Variants in LSAMP observed in about 807,000 individuals in gnomAD.
LSAMP encodes limbic system associated membrane protein.
In LSAMP, 7 loss-of-function variants were observed where a neutral mutation model predicts 38.6. The observed-to-expected ratio is 0.18, with a 90% CI of 0.10 to 0.34. The LOEUF (loss-of-function observed/expected upper bound fraction) is 0.34. Ranked by LOEUF, LSAMP falls within the 10% of genes least tolerant of loss-of-function variation. The pLI, the probability that LSAMP is intolerant of heterozygous loss-of-function variation, is 1.00. For missense variants in LSAMP, 313 were observed against 420.0 expected (o/e 0.75, Z 2.23); for synonymous variants, 154 against 166.8 (o/e 0.92, Z 0.59).
At chr3:115,962,099 C>T (rs1938645750) in intron 3 of LSAMP, among the ~76,000 whole-genome samples, 1 of 152,188 alleles carries the variant, frequency 6.6e-6, no homozygotes, top group African/African-American at 2.4e-5. Context: ...ATCACATAAA[C>T]AGTAAAGAGA....
chr3:115,977,806 C>T (rs1039859603), intron 3 of LSAMP, among the ~76,000 whole-genome samples: 3 of 150,620 alleles, frequency 2.0e-5, no homozygotes, highest in South Asian at 2.1e-4. Flanking sequence ...TATGAATAGT[C>T]GACTAAAGCA....
intron 1 of LSAMP, among the ~76,000 whole-genome samples, chr3:116,213,043 T>C (rs773347810): frequency 5.9e-5 from 9 of 152,228 alleles, no homozygotes; most frequent in Non-Finnish European, 8.8e-5. Context: ...TCAAAGATCC[T>C]GAAGCTTCAC....
intron 6 of LSAMP, chr3:115,816,703 G>T: frequency 9.5e-7 from 1 of 1,050,250 alleles, no homozygotes; most frequent in Non-Finnish European, 1.3e-6. Context: ...TATCAATTAA[G>T]AAGAAACACA....
intron 1 of LSAMP, among the ~76,000 whole-genome samples, chr3:116,339,438 A>T (rs2047964267): frequency 6.6e-6 from 1 of 151,926 alleles, no homozygotes; most frequent in Non-Finnish European, 1.5e-5. Context: ...AATCAGCAGC[A>T]CTGAATGACC....
At chr3:116,158,615 T>C (rs1709812768) in intron 1 of LSAMP, among the ~76,000 whole-genome samples, 1 of 151,924 alleles carries the variant, frequency 6.6e-6, no homozygotes, top group Non-Finnish European at 1.5e-5. Context: ...ACAAAAAGAA[T>C]AAAATATCTA....
At chr3:116,057,967 A>ACACACACACACACACCCC (rs1341257552) in intron 2 of LSAMP, among the ~76,000 whole-genome samples, 2 of 147,542 alleles carry the variant, frequency 1.4e-5, no homozygotes, top group Non-Finnish European at 3.0e-5. Context: ...CCACACACAC[A>ACACACACACACACACCCC]CACACACACA....
chr3:116,055,106 T>C (rs984467189), intron 2 of LSAMP, among the ~76,000 whole-genome samples: 4 of 152,180 alleles, frequency 2.6e-5, no homozygotes, highest in Non-Finnish European at 2.9e-5. Flanking sequence ...CAAATACACA[T>C]TATCACACCT....
chr3:116,079,995 C>T (rs1033669402), intron 2 of LSAMP, among the ~76,000 whole-genome samples: 1 of 152,000 alleles, frequency 6.6e-6, no homozygotes, highest in African/African-American at 2.4e-5. Context: ...GGTAGATATC[C>T]TTATTTTAAT....
At chr3:116,267,733 T>C (rs973728486) in intron 1 of LSAMP, among the ~76,000 whole-genome samples, 3 of 152,068 alleles carry the variant, frequency 2.0e-5, no homozygotes, top group Non-Finnish European at 2.9e-5. Context: ...TGAAAGGTAC[T>C]CTCCGCCTGC....
At chr3:115,947,552 G>C (rs150835446) in intron 3 of LSAMP, among the ~76,000 whole-genome samples, 1 of 152,088 alleles carries the variant, frequency 6.6e-6, no homozygotes, top group Non-Finnish European at 1.5e-5. Flanking sequence ...GAGGCATTTG[G>C]GTTTCTGGTA....
chr3:116,196,879 C>T (rs979879085), intron 1 of LSAMP, among the ~76,000 whole-genome samples: 1 of 152,174 alleles, frequency 6.6e-6, no homozygotes. Flanking sequence ...GCTCCCACTC[C>T]TTTATGCCTG....
At chr3:115,912,858 A>T (rs1008443394) in intron 3 of LSAMP, among the ~76,000 whole-genome samples, 1 of 152,190 alleles carries the variant, frequency 6.6e-6, no homozygotes, top group Admixed American at 6.5e-5. Flanking sequence ...TATACGAGAC[A>T]AAAAGAACAC....
At chr3:116,085,885 G>A (rs557407961) in intron 2 of LSAMP, among the ~76,000 whole-genome samples, 186 of 152,260 alleles carry the variant, frequency 1.2e-3, no homozygotes, top group African/African-American at 4.3e-3. Flanking sequence ...GAAGAACTTT[G>A]CTATCACAAA....
chr3:115,923,642 A>T (rs2107527108), intron 3 of LSAMP, among the ~76,000 whole-genome samples: 1 of 152,332 alleles, frequency 6.6e-6, no homozygotes, highest in Non-Finnish European at 1.5e-5. Flanking sequence ...TACTATTATC[A>T]CAATCATCTT....
chr3:115,839,532 GAAAT>G (rs1433069937), intron 6 of LSAMP, among the ~76,000 whole-genome samples: 1 of 152,112 alleles, frequency 6.6e-6, no homozygotes, highest in Non-Finnish European at 1.5e-5. Flanking sequence ...TTGGATCTAA[GAAAT>G]AGTGCAATAG....
At chr3:115,817,152 T>G (rs1934057052) in intron 6 of LSAMP, among the ~76,000 whole-genome samples, 1 of 152,226 alleles carries the variant, frequency 6.6e-6, no homozygotes, top group Non-Finnish European at 1.5e-5. Context: ...ATTGATCACT[T>G]AGTCACTTCA....
chr3:116,330,366 G>A (rs996435078), intron 1 of LSAMP, among the ~76,000 whole-genome samples: 3 of 152,012 alleles, frequency 2.0e-5, no homozygotes, highest in African/African-American at 7.2e-5. Context: ...ATAAGGGTGA[G>A]CAAAAAAGAC....
chr3:115,940,412 G>T (rs1937878093), intron 3 of LSAMP, among the ~76,000 whole-genome samples: 1 of 152,058 alleles, frequency 6.6e-6, no homozygotes, highest in African/African-American at 2.4e-5. Flanking sequence ...AGTGCTAATT[G>T]GTGCATTTAC....
At chr3:116,270,188 T>TGTCA (rs2046953150) in intron 1 of LSAMP, among the ~76,000 whole-genome samples, 2 of 152,160 alleles carry the variant, frequency 1.3e-5, no homozygotes, top group Admixed American at 6.6e-5. Flanking sequence ...CTAATAAGTA[T>TGTCA]GTCATTGGTC....
Sources: gnomAD v4.1 joint callset for allele counts (sites outside exome capture counted in the v4.1 genomes callset) on GRCh38, gnomAD v4.1.1 for gene constraint, MANE v1.5 for transcripts, NCBI Gene and HGNC (gene_info 2026-07-23, HGNC 2026-07-21) for gene names.